Variants in TMEM245 observed in about 807,000 individuals in gnomAD.
The protein encoded by TMEM245 is transmembrane protein 245.
In TMEM245, 69 loss-of-function variants were observed where a neutral mutation model predicts 101.2. The observed-to-expected ratio is 0.68, with a 90% CI of 0.56 to 0.83. The LOEUF (loss-of-function observed/expected upper bound fraction) is 0.83, where lower values mean the gene tolerates loss of function less well. Among genes scored for constraint, TMEM245 ranks in the 40% least tolerant of loss-of-function variants. The probability of loss-of-function intolerance (pLI) is 0.00; values close to 1 mark genes in which losing one functional copy is unlikely to be tolerated. For missense variants in TMEM245, 1,075 were observed against 1,092.8 expected (o/e 0.98, Z 0.23); for synonymous variants, 537 against 449.8 (o/e 1.19, Z -2.45).
chr9:109,092,540 T>C (rs191428441), intron 4 of TMEM245, among the ~76,000 whole-genome samples: 24 of 152,362 alleles, frequency 1.6e-4, no homozygotes, highest in Non-Finnish European at 3.1e-4. Flanking sequence ...GTGACAGATA[T>C]TTGGAAGAAT....
Position 109,064,673 on chromosome 9 carries a change from C to A in TMEM245, c.1533-106G>T, listed in dbSNP as rs550040917. On this transcript the variant is annotated intron_variant, in intron 9 of 17. Transcript: ENST00000374586. ...AATCCATAACAGACAGACTGTTGATCATTCACCAATACACAGATACCAAAG... is the reference window on the plus strand; with the variant it reads ...AATCCATAACAGACAGACTGTTGATAATTCACCAATACACAGATACCAAAG... 4 of 867,122 alleles carry A rather than the reference C, an allele frequency of 4.6e-6. No homozygotes were observed. In the African/African-American group the frequency reaches 6.7e-5, roughly 14 times the overall value. The allele number at this position is 867,122 out of a possible 1,614,324, so 53.7% of individuals were successfully genotyped here.
At position 109,018,182 on chromosome 9, in the gene TMEM245, C is replaced by T. The variant is rs1398002462; in HGVS notation, c.*2278G>A. On this transcript the variant is annotated 3_prime_UTR_variant, in exon 18 of 18. Transcript: ENST00000374586. Reference sequence around the variant, plus strand: ...AAATCACTTTGTATATGTATAGTAACTCATTGTATATATTTGTCTCTTATG... The same window carrying T: ...AAATCACTTTGTATATGTATAGTAATTCATTGTATATATTTGTCTCTTATG... The T allele has an allele frequency of 3.3e-5, 5 of 152,162 alleles. No individual in the cohort carries two copies. Among genetic ancestry groups the T allele is most frequent in the Non-Finnish European group, 5.9e-5 (4 of 68,030 alleles). The allele number at this position is 152,162 out of a possible 1,614,324, so 9.4% of individuals were successfully genotyped here.
intron 3 of TMEM245, among the ~76,000 whole-genome samples, chr9:109,105,022 A>G (rs1409608011): frequency 1.3e-5 from 2 of 152,350 alleles, no homozygotes; most frequent in East Asian, 3.9e-4. Context: ...GACTTCATCA[A>G]AAAAATTTCT....
chr9:109,100,805 T>C (rs1564206924), intron 3 of TMEM245, among the ~76,000 whole-genome samples: 1 of 152,264 alleles, frequency 6.6e-6, no homozygotes, highest in African/African-American at 2.4e-5. Flanking sequence ...TGCTTGTGGA[T>C]TTAAAAAGAT....
At chr9:109,107,451 A>G (rs955060050) in intron 2 of TMEM245, among the ~76,000 whole-genome samples, 1 of 150,644 alleles carries the variant, frequency 6.6e-6, no homozygotes, top group East Asian at 1.9e-4. Context: ...GTCCCTACCC[A>G]TAACCATTTC....
intron 17 of TMEM245, among the ~76,000 whole-genome samples, chr9:109,024,598 C>G (rs1216866856): frequency 6.6e-6 from 1 of 152,174 alleles, no homozygotes; most frequent in Non-Finnish European, 1.5e-5. Context: ...GACTTCTTAC[C>G]TAGTTCAGAG....
At chr9:109,032,125 T>C (rs1256170820) in intron 17 of TMEM245, among the ~76,000 whole-genome samples, 1 of 152,164 alleles carries the variant, frequency 6.6e-6, no homozygotes, top group East Asian at 1.9e-4. Flanking sequence ...TGACACGTCA[T>C]CTTTAAAGGA....
At chr9:109,059,624 A>G (rs557197217) in intron 11 of TMEM245, among the ~76,000 whole-genome samples, 2 of 152,266 alleles carry the variant, frequency 1.3e-5, no homozygotes, top group South Asian at 4.1e-4. Flanking sequence ...GGAGTATGTT[A>G]TAGTAAGCCA....
chr9:109,028,373 G>A (rs181710227), intron 17 of TMEM245, among the ~76,000 whole-genome samples: 1 of 150,818 alleles, frequency 6.6e-6, no homozygotes, highest in African/African-American at 2.4e-5. Context: ...AGAATCATTT[G>A]AATCCGGGTG....
intron 1 of TMEM245, among the ~76,000 whole-genome samples, chr9:109,119,098 C>G (rs1830815433): frequency 6.6e-6 from 1 of 152,212 alleles, no homozygotes; most frequent in Non-Finnish European, 1.5e-5. Flanking sequence ...CTAAGAGGGC[C>G]TATTAGGATT....
chr9:109,085,725 T>C (rs1829811409), intron 7 of TMEM245, among the ~76,000 whole-genome samples: 1 of 152,212 alleles, frequency 6.6e-6, no homozygotes, highest in Non-Finnish European at 1.5e-5. Context: ...TTTACAGAAC[T>C]GGATTTACAG....
rs1348218028 is a variant in TMEM245 at position 109,019,981 on chromosome 9, T to A, written c.*479A>T. On this transcript the variant is annotated 3_prime_UTR_variant, in exon 18 of 18. Coordinates refer to ENST00000374586, the MANE Select transcript of TMEM245 (RefSeq NM_032012.4). Reference sequence around the variant, plus strand: ...AGGGTAGAAGATTCATTTTTCCTGCTCACTCAACTACACACTCAAAAGTGA... The same window carrying A: ...AGGGTAGAAGATTCATTTTTCCTGCACACTCAACTACACACTCAAAAGTGA... 1 of 153,140 alleles carries A rather than the reference T, an allele frequency of 6.5e-6. No homozygotes were observed. Among genetic ancestry groups the A allele is most frequent in the Admixed American group, 6.5e-5 (1 of 15,314 alleles). The allele number at this position is 153,140 out of a possible 1,614,324, so 9.5% of individuals were successfully genotyped here.
chr9:109,033,850 A>G (rs1000605790), intron 16 of TMEM245, among the ~76,000 whole-genome samples: 14 of 152,196 alleles, frequency 9.2e-5, no homozygotes, highest in African/African-American at 3.1e-4. Context: ...TGTTAAGTTA[A>G]CCTCCATCAA....
In TMEM245 at chr9:109,029,157, C is replaced by T. The variant is rs1411769490; in HGVS notation, c.2594+4150G>A. ...ACAAGATAAAGTTGAAGAAATCACC[C>T]AGAAAATGGAGCCAAAAAGACACAA... On this transcript the variant is annotated intron_variant, in intron 17 of 17. Transcript: ENST00000374586. Among the ~76,000 whole-genome samples, 5 of 151,892 alleles carry T rather than the reference C, an allele frequency of 3.3e-5. No individual in the cohort carries two copies. In the East Asian group the frequency reaches 9.7e-4, roughly 29 times the overall value.
intron 4 of TMEM245, among the ~76,000 whole-genome samples, chr9:109,092,476 G>C (rs1830033879): frequency 6.6e-6 from 1 of 152,204 alleles, no homozygotes; most frequent in African/African-American, 2.4e-5. Flanking sequence ...AGATGCTTTT[G>C]TTTGACTTTG....
At position 109,033,514 on chromosome 9, in the gene TMEM245, G is replaced by A. The variant is rs374148148; in HGVS notation, c.2400-13C>T. 1.9e-6 allele frequency: 3 copies of A among 1,574,072 alleles called. No individual in the cohort carries two copies. Among genetic ancestry groups the A allele is most frequent in the Admixed American group, 3.8e-5 (2 of 52,048 alleles). ...AGGATGGCCACCTCTGGAATAAAGA[G>A]CACGACCTTTAACACACAAAAACTG... On this transcript the variant is annotated splice_polypyrimidine_tract_variant and intron_variant, in intron 16 of 17. Coordinates refer to ENST00000374586, the MANE Select transcript of TMEM245 (RefSeq NM_032012.4).
chr9:109,108,564 T>C lies in TMEM245; in HGVS notation c.586A>G (p.Thr196Ala). ...GTCAACACATAGCCAACCACCAACG[T>C]CCAGATCTTAAATAAATGAAAGACA... The part of the protein sequence containing the change: ...LDYFSSLWIW[T>A]LVVGYVLTVS... Residue 196 changes from threonine (T) to alanine (A), a missense_variant, in exon 2 of 18, where the codon ACG becomes GCG. Thr to Ala is a moderately conservative substitution (Grantham distance 58, BLOSUM62 0). Coordinates refer to ENST00000374586, the MANE Select transcript of TMEM245 (RefSeq NM_032012.4). 6.3e-7 allele frequency: 1 copy of C among 1,593,118 alleles called. No homozygotes were observed. Among genetic ancestry groups the C allele is most frequent in the Non-Finnish European group, 8.5e-7 (1 of 1,172,622 alleles).
chr9:109,030,936 A>C (rs759836909), intron 17 of TMEM245, among the ~76,000 whole-genome samples: 1 of 152,232 alleles, frequency 6.6e-6, no homozygotes, highest in Non-Finnish European at 1.5e-5. Context: ...TAAAAGTATA[A>C]AATATTTTCA....
rs1828644067 is a variant in TMEM245, at chr9:109,050,559, T to C, written c.1977+11A>G. 2 of 1,613,926 alleles carry C rather than the reference T, an allele frequency of 1.2e-6. No individual in the cohort carries two copies. The highest frequency in any genetic ancestry group is 1.1e-5 in the South Asian group (1 of 91,064). On this transcript the variant is annotated intron_variant, in intron 13 of 17. Transcript: ENST00000374586. ...AGGAAATATGACGTGTACTTATCTATGTGGACGTACCAGAGAGAGTACAAA... is the reference window on the plus strand; with the variant it reads ...AGGAAATATGACGTGTACTTATCTACGTGGACGTACCAGAGAGAGTACAAA...
Sources: allele counts gnomAD v4.1 joint callset (sites outside exome capture counted in the v4.1 genomes callset), GRCh38; gene constraint gnomAD v4.1.1; transcripts MANE v1.5; gene names NCBI Gene and HGNC (gene_info 2026-07-23, HGNC 2026-07-21).